The following AFG1L variants were observed in gnomAD, a reference collection of about 807,000 sequenced individuals.
The protein encoded by AFG1L is AFG1-like ATPase.
A neutral mutation model predicts 62.2 loss-of-function variants in AFG1L; 53 were observed. That is an observed-to-expected ratio of 0.85 (90% CI 0.68 to 1.07). The LOEUF is 1.07. Ranked by LOEUF, AFG1L falls within the 50% of genes least tolerant of loss-of-function variation. The pLI, the probability that AFG1L is intolerant of heterozygous loss-of-function variation, is 0.00. For synonymous variants in AFG1L, 228 were observed against 210.3 expected (o/e 1.08, Z -0.73); for missense variants, 555 against 590.5 (o/e 0.94, Z 0.62).
At chr6:108,377,480 T>G (rs1780298682) in intron 6 of AFG1L, among the ~76,000 whole-genome samples, 1 of 152,182 alleles carries the variant, frequency 6.6e-6, no homozygotes, top group Non-Finnish European at 1.5e-5. Flanking sequence ...CTGGAAAAGA[T>G]TTTATTTCTT....
intron 10 of AFG1L, among the ~76,000 whole-genome samples, chr6:108,485,638 ATATATATATATATATATATTTTTTT>A (rs1360682885): frequency 6.9e-5 from 1 of 14,492 alleles, no homozygotes; most frequent in African/African-American, 3.6e-4. Flanking sequence ...ATATATATAT[ATATATATATATATATATATTTTTTT>A]TTTTTTTTTT....
chr6:108,518,748 A>G (rs1582696765), intron 11 of AFG1L, among the ~76,000 whole-genome samples: 1 of 152,250 alleles, frequency 6.6e-6, no homozygotes, highest in African/African-American at 2.4e-5. Context: ...TCATTCAAAT[A>G]CTTATGTAAT....
chr6:108,431,960 C>CT (rs1258282445), intron 7 of AFG1L, among the ~76,000 whole-genome samples: 1 of 150,584 alleles, frequency 6.6e-6, no homozygotes, highest in Non-Finnish European at 1.5e-5. Flanking sequence ...GTTCCAGACA[C>CT]TGACAGGGAG....
At chr6:108,346,098 T>C (rs889540754) in intron 2 of AFG1L, among the ~76,000 whole-genome samples, 1 of 152,194 alleles carries the variant, frequency 6.6e-6, no homozygotes, top group Non-Finnish European at 1.5e-5. Context: ...GCTACTATGG[T>C]TATTGCCTCC....
intron 7 of AFG1L, among the ~76,000 whole-genome samples, chr6:108,435,056 C>G (rs1485671454): frequency 2.0e-5 from 3 of 152,122 alleles, no homozygotes; most frequent in Non-Finnish European, 4.4e-5. Context: ...CTGATCACCT[C>G]CTATTTACCC....
At chr6:108,405,173 C>T (rs112887708) in intron 7 of AFG1L, among the ~76,000 whole-genome samples, 4,334 of 152,272 alleles carry the variant, frequency 0.028, 94 homozygotes, top group Middle Eastern at 0.085. Flanking sequence ...ATAATTCTAA[C>T]GTCTCTGCCA....
Position 108,297,588 on chromosome 6 carries a change from C to T in AFG1L, c.139+2370C>T, listed in dbSNP as rs868510607. Among the ~76,000 whole-genome samples the T allele has an allele frequency of 2.0e-5, 3 of 151,762 alleles. 1 individual carries two copies. The highest frequency in any genetic ancestry group is 6.8e-3 in the Middle Eastern group (2 of 294). On this transcript the variant is annotated intron_variant, in intron 1 of 12. Coordinates refer to ENST00000368977, the MANE Select transcript of AFG1L (RefSeq NM_145315.5). Reference sequence around the variant, plus strand: ...AGTGTAATGTGGCTGGGTGTGGTGGCTCACACCTGTAATCCTGGCACTTTG... The same window carrying T: ...AGTGTAATGTGGCTGGGTGTGGTGGTTCACACCTGTAATCCTGGCACTTTG...
intron 10 of AFG1L, among the ~76,000 whole-genome samples, chr6:108,500,289 C>T (rs945275949): frequency 3.3e-5 from 5 of 151,246 alleles, no homozygotes; most frequent in Non-Finnish European, 7.4e-5. Context: ...CATGAACCAC[C>T]GTGCCCAGCC....
At chr6:108,401,854 A>C in intron 6 of AFG1L, 142 bp from the exon 7 acceptor site, 1 of 503,938 alleles carries the variant, frequency 2.0e-6, no homozygotes, top group South Asian at 2.9e-5. Context: ...GGACCCAAAG[A>C]GAAATCAATT....
chr6:108,425,125 T>C (rs929253668), intron 7 of AFG1L, among the ~76,000 whole-genome samples: 19 of 152,082 alleles, frequency 1.2e-4, no homozygotes, highest in Non-Finnish European at 2.2e-4. Flanking sequence ...GTAGAAACTC[T>C]TTTTGAGGGT....
intron 6 of AFG1L, among the ~76,000 whole-genome samples, chr6:108,374,925 A>G (rs1277072863): frequency 6.6e-6 from 1 of 152,136 alleles, no homozygotes; most frequent in Non-Finnish European, 1.5e-5. Context: ...TTTGGGCAGT[A>G]TGGCCATTTT....
intron 3 of AFG1L, among the ~76,000 whole-genome samples, chr6:108,350,491 A>G (rs1164843255): frequency 6.6e-6 from 1 of 152,040 alleles, no homozygotes; most frequent in Non-Finnish European, 1.5e-5. Flanking sequence ...ACTCAGATGG[A>G]TTCTAAATCC....
intron 10 of AFG1L, among the ~76,000 whole-genome samples, chr6:108,484,117 G>A (rs967736596): frequency 6.6e-6 from 1 of 152,210 alleles, no homozygotes; most frequent in Non-Finnish European, 1.5e-5. Context: ...GTGTTGGGAT[G>A]CCAACAGTGG....
intron 6 of AFG1L, among the ~76,000 whole-genome samples, chr6:108,388,563 T>G (rs567660561): frequency 6.6e-6 from 1 of 152,330 alleles, no homozygotes; most frequent in Admixed American, 6.5e-5. Flanking sequence ...TCCCAGAGAT[T>G]CTGGTATGCT....
chr6:108,396,040 G>T (rs1021762601), intron 6 of AFG1L, among the ~76,000 whole-genome samples: 14 of 150,306 alleles, frequency 9.3e-5, no homozygotes, highest in African/African-American at 1.5e-4. Flanking sequence ...TTTGTTTTTT[G>T]TTTTTTTGTT....
intron 8 of AFG1L, among the ~76,000 whole-genome samples, chr6:108,456,431 T>C (rs1395682039): frequency 6.6e-6 from 1 of 152,172 alleles, no homozygotes; most frequent in Non-Finnish European, 1.5e-5. Context: ...CTTGATGTGA[T>C]TGTTGATATG....
chr6:108,522,212 T>C (rs1775151081), intron 12 of AFG1L, 85 bp from the exon 13 acceptor site: 1 of 1,345,120 alleles, frequency 7.4e-7, no homozygotes, highest in Non-Finnish European at 1.0e-6. Flanking sequence ...CCGGTAAGCC[T>C]AAAAAGTTTT....
rs886511840 is a variant in AFG1L, at chr6:108,413,477, C to T, written c.807+11423C>T. Among the ~76,000 whole-genome samples, 5 of 152,262 alleles carry T rather than the reference C, an allele frequency of 3.3e-5. No individual in the cohort carries two copies. The East Asian group carries it at 7.7e-4, about 23-fold the overall frequency. On this transcript the variant is annotated intron_variant, in intron 7 of 12. Coordinates refer to ENST00000368977, the MANE Select transcript of AFG1L (RefSeq NM_145315.5). ...AACAGAATATACATTGTTCTCAGCA[C>T]CACATCACACTTATTCCAAAATTGA...
intron 6 of AFG1L, among the ~76,000 whole-genome samples, chr6:108,401,287 C>T (rs1002022505): frequency 1.1e-4 from 17 of 151,670 alleles, no homozygotes; most frequent in Non-Finnish European, 2.1e-4. Context: ...GGACTAGAGG[C>T]GCCCGCCACC....
Sources: gnomAD v4.1 joint callset for allele counts (sites outside exome capture counted in the v4.1 genomes callset) on GRCh38, gnomAD v4.1.1 for gene constraint, MANE v1.5 for transcripts, NCBI Gene and HGNC (gene_info 2026-07-23, HGNC 2026-07-21) for gene names.